SGMS2: variants seen among roughly 807,000 people sequenced by gnomAD.
SGMS2 encodes sphingomyelin synthase 2.
A neutral mutation model predicts 43.8 loss-of-function variants in SGMS2; 21 were observed. The ratio of observed to expected loss-of-function variants is 0.48; its 90% CI spans 0.34 to 0.69. The LOEUF (loss-of-function observed/expected upper bound fraction) is 0.69. Ranked by LOEUF, SGMS2 falls within the 30% of genes least tolerant of loss-of-function variation. SGMS2 has a pLI of 0.01. For synonymous variants in SGMS2, 167 were observed against 160.6 expected, an observed-to-expected ratio of 1.04 and a Z score of -0.30; for missense variants, 384 against 443.2, an observed-to-expected ratio of 0.87 and a Z score of 1.20.
chr4:107,845,283 A>G (rs1416855292), intron 1 of SGMS2, among the ~76,000 whole-genome samples: 1 of 152,210 alleles, frequency 6.6e-6, no homozygotes, highest in Admixed American at 6.5e-5. Context: ...TTGGTACTGG[A>G]AGCAGGAAAC....
chr4:107,847,121 G>T (rs1418273215), intron 1 of SGMS2, among the ~76,000 whole-genome samples: 10 of 151,352 alleles, frequency 6.6e-5, no homozygotes, highest in African/African-American at 2.2e-4. Flanking sequence ...AGTTTAATTA[G>T]ATCCCATTTG....
At chr4:107,846,846 C>G (rs1480555537) in intron 1 of SGMS2, among the ~76,000 whole-genome samples, 1 of 149,208 alleles carries the variant, frequency 6.7e-6, no homozygotes, top group African/African-American at 2.5e-5. Flanking sequence ...TTTTGATTTG[C>G]ATTTCTCTGA....
chr4:107,864,836 ATATGCAGTCT>A (rs1210778315), intron 2 of SGMS2, among the ~76,000 whole-genome samples: 2 of 152,138 alleles, frequency 1.3e-5, no homozygotes, highest in Non-Finnish European at 2.9e-5. Flanking sequence ...TCCCTGTTTT[ATATGCAGTCT>A]TATGCCTTGA....
chr4:107,833,771 T>A (rs916513972), intron 1 of SGMS2, among the ~76,000 whole-genome samples: 14 of 152,230 alleles, frequency 9.2e-5, no homozygotes, highest in African/African-American at 3.1e-4. Context: ...ATGTTGACAT[T>A]AAGATTATCC....
chr4:107,880,864 A>AAAG lies in SGMS2; in HGVS notation c.-244-14444_-244-14443insGAA, dbSNP rs1553931826. Among the ~76,000 whole-genome samples the AAAG allele has an allele frequency of 6.2e-4, 92 of 147,678 alleles. 3 individuals carry two copies. The highest frequency in any genetic ancestry group is 1.9e-3 in the African/African-American group (76 of 40,142). On this transcript the variant is annotated intron_variant, in intron 2 of 6. Transcript: ENST00000690982. ...GCGAGACTGTCTCAAAAAAAAAAAA[A>AAAG]AAAGAAAGAAAAAGAAAAAAGAAAA...
At chr4:107,825,577 AC>A (rs1725533904) in intron 1 of SGMS2, among the ~76,000 whole-genome samples, 1 of 148,514 alleles carries the variant, frequency 6.7e-6, no homozygotes, top group Non-Finnish European at 1.5e-5. Context: ...TGGAGGAGGG[AC>A]TGTGTGTGTG....
rs1732054185 is a variant in SGMS2 at position 107,910,705 on chromosome 4, C to T, written c.*152C>T. The T allele has an allele frequency of 1.2e-5, 8 of 666,120 alleles. No homozygotes were observed. In the South Asian group the frequency reaches 1.4e-4, roughly 12 times the overall value. The allele number at this position is 666,120 out of a possible 1,614,324, so 41.3% of individuals were successfully genotyped here. ...GATTAGAAAGATGAACAAAGTATTG[C>T]CCTTTGACTGGTTTTCTTCTTCATC... is the stretch of plus-strand genomic sequence containing the variant. On this transcript the variant is annotated 3_prime_UTR_variant, in exon 7 of 7. Transcript: ENST00000690982.
chr4:107,887,611 G>A (rs966164514), intron 2 of SGMS2, among the ~76,000 whole-genome samples: 2 of 152,248 alleles, frequency 1.3e-5, no homozygotes, highest in Middle Eastern at 3.4e-3. Flanking sequence ...AATTAGGTAA[G>A]AAAAAGGCAT....
chr4:107,828,571 G>A (rs924484177), intron 1 of SGMS2, among the ~76,000 whole-genome samples: 2 of 151,966 alleles, frequency 1.3e-5, no homozygotes, highest in African/African-American at 2.4e-5. Context: ...GTCCCCTATC[G>A]CTGAACACTT....
At chr4:107,881,725 T>C (rs1016542166) in intron 2 of SGMS2, among the ~76,000 whole-genome samples, 1 of 152,162 alleles carries the variant, frequency 6.6e-6, no homozygotes, top group African/African-American at 2.4e-5. Context: ...TATATTTTTT[T>C]ACCCATTAAC....
At chr4:107,852,209 C>T (rs1311619422) in intron 1 of SGMS2, among the ~76,000 whole-genome samples, 1 of 151,648 alleles carries the variant, frequency 6.6e-6, no homozygotes, top group African/African-American at 2.4e-5. Flanking sequence ...GCTGGGACTA[C>T]AGGTGCCTGC....
At chr4:107,859,289 G>A (rs1235327746) in intron 2 of SGMS2, among the ~76,000 whole-genome samples, 1 of 151,804 alleles carries the variant, frequency 6.6e-6, no homozygotes, top group Non-Finnish European at 1.5e-5. Flanking sequence ...TATCATTACT[G>A]TTTATTGTGG....
chr4:107,908,153 C>T (rs1298160567), intron 5 of SGMS2: 1 of 158,924 alleles, frequency 6.3e-6, no homozygotes, highest in African/African-American at 2.4e-5. Flanking sequence ...CCATTTCCCC[C>T]CTTATTTTCA....
intron 2 of SGMS2, among the ~76,000 whole-genome samples, chr4:107,882,438 AT>A (rs901248701): frequency 6.6e-6 from 1 of 151,924 alleles, no homozygotes; most frequent in African/African-American, 2.4e-5. Context: ...ACTTTTGCTT[AT>A]TTTTTTACTC....
chr4:107,827,892 A>G lies in SGMS2; in HGVS notation c.-327+2639A>G, dbSNP rs190356841. The stretch of plus-strand genomic sequence containing the variant: ...TCCCAGATACTCGGGAGGCTGACGC[A>G]GGAGAATCGCTTGAACCTGGGAGGT... On this transcript the variant is annotated intron_variant, in intron 1 of 6. Coordinates refer to ENST00000690982, the MANE Select transcript of SGMS2 (RefSeq NM_001375905.1). Among the ~76,000 whole-genome samples the G allele has an allele frequency of 2.2e-3, 335 of 152,282 alleles. 4 individuals are homozygous for G. The highest frequency in any genetic ancestry group is 2.1e-3 in the Non-Finnish European group (143 of 68,020).
In SGMS2 at chr4:107,910,397, G is replaced by T. The variant is rs1732023899; in HGVS notation, c.942G>T (p.Trp314Cys). The T allele has an allele frequency of 6.2e-7, 1 of 1,613,952 alleles. No individual in the cohort carries two copies. The highest frequency in any genetic ancestry group is 1.1e-5 in the South Asian group (1 of 91,082). The change falls in exon 7 of 7, where the codon TGG (tryptophan) becomes TGT (cysteine). Residue 314 changes from tryptophan (W) to cysteine (C), a missense_variant. Transcript: ENST00000690982. ...SQTNFLSRAW[W>C]FPIFYFFEKN... is the part of the protein sequence containing the mutation. ...CTAATTTCTTATCTCGAGCATGGTG[G>T]TTCCCCATCTTTTATTTTTTTGAGA...
intron 2 of SGMS2, among the ~76,000 whole-genome samples, chr4:107,871,097 A>G (rs993549355): frequency 1.3e-5 from 2 of 152,184 alleles, no homozygotes; most frequent in African/African-American, 4.8e-5. Flanking sequence ...AGTTTTGATC[A>G]TAGTTCACTC....
intron 2 of SGMS2, among the ~76,000 whole-genome samples, chr4:107,877,329 C>T (rs753876953): frequency 1.3e-5 from 2 of 151,998 alleles, no homozygotes; most frequent in African/African-American, 2.4e-5. Flanking sequence ...TTTTCAACAC[C>T]TCTCACTTCA....
At chr4:107,902,063 T>C (rs1049196477) in intron 4 of SGMS2, among the ~76,000 whole-genome samples, 3 of 151,878 alleles carry the variant, frequency 2.0e-5, no homozygotes, top group Non-Finnish European at 4.4e-5. Flanking sequence ...TGTGCCACCA[T>C]ACCTGGCTAA....
Sources: allele counts gnomAD v4.1 joint callset (sites outside exome capture counted in the v4.1 genomes callset), GRCh38; gene constraint gnomAD v4.1.1; transcripts MANE v1.5; gene names NCBI Gene and HGNC (gene_info 2026-07-23, HGNC 2026-07-21).